CACNA1G: variants seen among roughly 807,000 people sequenced by gnomAD.
CACNA1G encodes the protein calcium voltage-gated channel subunit alpha1 G.
CACNA1G carries 67 observed loss-of-function variants against 219.4 expected under a neutral mutation model. The observed-to-expected ratio is 0.31, with a 90% confidence interval of 0.25 to 0.37. The LOEUF (loss-of-function observed/expected upper bound fraction) is 0.37. Ranked by LOEUF, CACNA1G falls within the 10% of genes least tolerant of loss-of-function variation. The pLI, the probability that CACNA1G is intolerant of heterozygous loss-of-function variation, is 1.00. For synonymous variants in CACNA1G, 1,296 were observed against 1,345.3 expected, an observed-to-expected ratio of 0.96 and a Z score of 0.80; for missense variants, 2,380 against 3,231.4, an observed-to-expected ratio of 0.74 and a Z score of 6.39.
At position 50,561,527 on chromosome 17, in the gene CACNA1G, A is replaced by C. The variant is rs892878765; in HGVS notation, c.68A>C (p.Asn23Thr). 2.0e-5 allele frequency: 31 copies of C among 1,537,494 alleles called. No homozygotes were observed. Among genetic ancestry groups the C allele is most frequent in the Non-Finnish European group, 2.5e-5 (29 of 1,146,462 alleles). Residue 23 changes from asparagine (N) to threonine (T), a missense_variant, in exon 1 of 38, where the codon AAC (asparagine) becomes ACC (threonine). This residue lies in a region of CACNA1G where 98 missense variants were observed against 85.5 expected (regional missense o/e 1.15). Transcript: ENST00000359106. ...CAGCCCCGGAGCTTCATGCGGCTCA[A>C]CGACCTGTCGGGGGCCGGGGGCCGG... ...SGQPRSFMRL[N>T]DLSGAGGRPG...
chr17:50,606,477 A>G, intron 23 of CACNA1G: 1 of 582,764 alleles, frequency 1.7e-6, no homozygotes, highest in Non-Finnish European at 3.0e-6. Context: ...CACAATAAGG[A>G]TGCAATGAGA....
intron 10 of CACNA1G, 79 bp from the exon 11 acceptor site, chr17:50,591,356 G>A: frequency 7.3e-7 from 1 of 1,378,474 alleles, no homozygotes; most frequent in East Asian, 2.5e-5. Flanking sequence ...AGGCCCTTGG[G>A]TGCTACTGAG....
chr17:50,584,043 G>A (rs1408857299), intron 9 of CACNA1G, among the ~76,000 whole-genome samples: 2 of 152,140 alleles, frequency 1.3e-5, no homozygotes, highest in Non-Finnish European at 2.9e-5. Context: ...TAGATAACCC[G>A]AAGTTTCTAA....
chr17:50,584,336 G>A (rs1019023319), intron 9 of CACNA1G, among the ~76,000 whole-genome samples: 1 of 151,964 alleles, frequency 6.6e-6, no homozygotes, highest in Non-Finnish European at 1.5e-5. Context: ...GAAGAGAGGC[G>A]GTGAAATGAG....
At chr17:50,573,448 A>G in intron 7 of CACNA1G, 1 of 232,080 alleles carries the variant, frequency 4.3e-6, no homozygotes. Flanking sequence ...TGGAAATGGG[A>G]AAGGGTGATT....
intron 16 of CACNA1G, 105 bp downstream of exon 16, chr17:50,597,028 T>TCCAGCCCATG: frequency 9.4e-6 from 10 of 1,058,740 alleles, no homozygotes; most frequent in African/African-American, 1.6e-5. Flanking sequence ...CCCTGCCCCA[T>TCCAGCCCATG]GGGCTGGATG....
intron 9 of CACNA1G, among the ~76,000 whole-genome samples, chr17:50,584,620 G>C (rs1168436849): frequency 1.3e-5 from 2 of 151,826 alleles, no homozygotes; most frequent in Admixed American, 6.5e-5. Context: ...GGGGTGACAG[G>C]GGGGCGGCGG....
rs1480181717 is a variant in CACNA1G, at chr17:50,594,443, C to T, written c.2911-550C>T. On this transcript the variant is annotated intron_variant, in intron 13 of 37. Coordinates refer to ENST00000359106, the MANE Select transcript of CACNA1G (RefSeq NM_018896.5). ...TTGGCTCCGTGTTGACTCTGACTTT[C>T]GTCCATTCCTTTCCTTGCTTCCTAC... is the stretch of plus-strand genomic sequence containing the variant. Among the ~76,000 whole-genome samples the T allele has an allele frequency of 5.3e-5, 8 of 152,326 alleles. No homozygotes were observed. In the East Asian group the frequency reaches 7.7e-4, roughly 15 times the overall value.
At chr17:50,566,379 G>A (rs1011832029) in intron 1 of CACNA1G, among the ~76,000 whole-genome samples, 5 of 151,842 alleles carry the variant, frequency 3.3e-5, no homozygotes, top group African/African-American at 9.7e-5. Context: ...TTCCCTGTCC[G>A]TTTATGCTTA....
Position 50,619,705 on chromosome 17 carries a change from T to C in CACNA1G, c.5804T>C (p.Ile1935Thr). Residue 1935 changes from isoleucine to threonine, a missense_variant, in exon 34 of 38, where the codon ATA becomes ACA. Ile to Thr is a moderately conservative substitution (Grantham distance 89). Around this residue, in one of 17 missense-constraint regions of CACNA1G, gnomAD observed 672 missense variants for 670.5 expected, o/e 1.00. Transcript: ENST00000359106. ...CAGGACAGGCAGCTGTTTGACACCATATCCCTGCTGATCCAGGGCTCCCTG... is the reference window on the plus strand; with the variant it reads ...CAGGACAGGCAGCTGTTTGACACCACATCCCTGCTGATCCAGGGCTCCCTG... ...HPTDRQLFDTISLLIQGSLEW... is the reference protein window; with the variant it reads ...HPTDRQLFDTTSLLIQGSLEW... 3 of 1,610,624 alleles carry C rather than the reference T, an allele frequency of 1.9e-6. No homozygotes were observed. The highest frequency in any genetic ancestry group is 1.7e-6 in the Non-Finnish European group (2 of 1,179,464).
chr17:50,620,674 T>G (rs1036843186), intron 34 of CACNA1G, among the ~76,000 whole-genome samples: 1 of 152,090 alleles, frequency 6.6e-6, no homozygotes, highest in Non-Finnish European at 1.5e-5. Context: ...GAGGCCCTTT[T>G]GGGTGGTGGG....
Position 50,561,466 on chromosome 17 carries a change from G to C in CACNA1G, c.7G>C (p.Glu3Gln). 2 of 1,534,452 alleles carry C rather than the reference G, an allele frequency of 1.3e-6. No individual in the cohort carries two copies. The highest frequency in any genetic ancestry group is 1.2e-5 in the South Asian group (1 of 83,992). Residue 3 changes from glutamate (E) to glutamine (Q), a missense_variant, in exon 1 of 38, where the codon GAG becomes CAG. This residue lies in a region of CACNA1G where 98 missense variants were observed against 85.5 expected (regional missense o/e 1.15). Coordinates refer to ENST00000359106, the MANE Select transcript of CACNA1G (RefSeq NM_018896.5). MDEEEDGAGAEES... is the reference protein window; with the variant it reads MDQEEDGAGAEES... ...GGCCCCGGCTGGCCAGAGGATGGACGAGGAGGAGGATGGAGCGGGCGCCGA... is the reference window on the plus strand; with the variant it reads ...GGCCCCGGCTGGCCAGAGGATGGACCAGGAGGAGGATGGAGCGGGCGCCGA...
chr17:50,572,834 G>T lies in CACNA1G; in HGVS notation c.1027G>T (p.Ala343Ser). The change falls in exon 6 of 38, where the codon GCC becomes TCC. Residue 343 changes from alanine to serine, a missense_variant. Ala to Ser is a moderately conservative substitution (Grantham distance 99). Coordinates refer to ENST00000359106, the MANE Select transcript of CACNA1G (RefSeq NM_018896.5). ...GAINFDNIGY[A>S]WIAIFQVITL... Reference sequence around the variant, plus strand: ...CATCAACTTTGACAACATTGGCTATGCCTGGATCGCCATCTTCCAGGTGGG... The same window carrying T: ...CATCAACTTTGACAACATTGGCTATTCCTGGATCGCCATCTTCCAGGTGGG... The T allele has an allele frequency of 1.2e-6, 2 of 1,612,690 alleles. No individual in the cohort carries two copies. The highest frequency in any genetic ancestry group is 1.7e-6 in the Non-Finnish European group (2 of 1,179,068).
At chr17:50,582,879 A>G (rs972649167) in intron 9 of CACNA1G, among the ~76,000 whole-genome samples, 7 of 151,868 alleles carry the variant, frequency 4.6e-5, no homozygotes, top group Non-Finnish European at 7.4e-5. Context: ...AGGGCAGGTG[A>G]TGACTCTGCT....
Position 50,578,105 on chromosome 17 carries a change from G to C in CACNA1G, c.1925-83G>C. 1 of 1,459,002 alleles carries C rather than the reference G, an allele frequency of 6.9e-7. No individual in the cohort carries two copies. Among genetic ancestry groups the C allele is most frequent in the Admixed American group, 2.3e-5 (1 of 43,242 alleles). The allele number at this position is 1,459,002 out of a possible 1,614,324, so 90.4% of individuals were successfully genotyped here. A position where few individuals can be genotyped will look rare whatever the true frequency, so the allele number is the denominator to read the frequency against. ...TCACTGTAACAACCCCAGACTCCCTGACTCATTTTACACATACTCACAGGG... is the reference window on the plus strand; with the variant it reads ...TCACTGTAACAACCCCAGACTCCCTCACTCATTTTACACATACTCACAGGG... On this transcript the variant is annotated intron_variant, in intron 8 of 37. Coordinates refer to ENST00000359106, the MANE Select transcript of CACNA1G (RefSeq NM_018896.5). This position sits in a 1 kb window ranked among gnomAD's most constrained non-coding sequence, Gnocchi z 4.5.
chr17:50,565,812 T>A (rs535377767), intron 1 of CACNA1G, among the ~76,000 whole-genome samples: 1 of 152,238 alleles, frequency 6.6e-6, no homozygotes, highest in Non-Finnish European at 1.5e-5. Flanking sequence ...CATGCTCTAG[T>A]TCTCTCTCCC....
chr17:50,619,126 G>A (rs180683031), intron 33 of CACNA1G, 118 bp downstream of exon 33: 11 of 771,248 alleles, frequency 1.4e-5, no homozygotes, highest in African/African-American at 3.5e-5. Flanking sequence ...GGAGGCTCCC[G>A]CCCTCCGTCC....
chr17:50,576,385 A>G, intron 8 of CACNA1G, 59 bp downstream of exon 8: 1 of 1,494,420 alleles, frequency 6.7e-7, no homozygotes, highest in African/African-American at 1.4e-5. Context: ...GTGGCGTCCC[A>G]GAGGGGACTA....
intron 36 of CACNA1G, 36 bp from the exon 37 acceptor site, chr17:50,624,324 T>TGCCCCCCCCCCCCCCCCCCCTGCCC: frequency 1.7e-6 from 2 of 1,177,660 alleles, no homozygotes; most frequent in Non-Finnish European, 2.4e-6. Flanking sequence ...CTCCATTCTC[T>TGCCCCCCCCCCCCCCCCCCCTGCCC]CCCCCCACCC....
Sources: allele counts gnomAD v4.1 joint callset (sites outside exome capture counted in the v4.1 genomes callset), GRCh38; gene constraint gnomAD v4.1.1; regional missense constraint gnomAD v4.1.1; non-coding constraint Gnocchi (gnomAD v3.1); transcripts MANE v1.5; gene names NCBI Gene and HGNC (gene_info 2026-07-23, HGNC 2026-07-21).